Variants in C1orf21 observed in about 807,000 individuals in gnomAD.
The protein encoded by C1orf21 is uncharacterized protein C1orf21.
Under a neutral mutation model 18.7 loss-of-function variants are expected in C1orf21, and 3 were observed. The observed-to-expected ratio is 0.16, with a 90% CI of 0.07 to 0.42. The LOEUF is 0.42. Ranked by LOEUF, C1orf21 falls within the 10% of genes least tolerant of loss-of-function variation. C1orf21 has a pLI of 0.99. For missense variants in C1orf21, 104 were observed against 143.6 expected (o/e 0.72, Z 1.41); for synonymous variants, 41 against 46.4 (o/e 0.88, Z 0.47).
intron 3 of C1orf21, among the ~76,000 whole-genome samples, chr1:184,555,784 T>G (rs1176932227): frequency 6.6e-6 from 1 of 152,124 alleles, no homozygotes; most frequent in African/African-American, 2.4e-5. Context: ...CACAGAGGCA[T>G]TCTTCTGACT....
At chr1:184,514,893 C>A (rs1658200544) in intron 3 of C1orf21, among the ~76,000 whole-genome samples, 1 of 152,094 alleles carries the variant, frequency 6.6e-6, no homozygotes, top group Non-Finnish European at 1.5e-5. Flanking sequence ...CAAAATAAAA[C>A]AGCAACACTG....
intron 3 of C1orf21, among the ~76,000 whole-genome samples, chr1:184,542,288 A>G (rs183229522): frequency 6.8e-4 from 103 of 152,288 alleles, no homozygotes; most frequent in Non-Finnish European, 1.2e-3. Flanking sequence ...AGCACTTTAC[A>G]TGTCTTAGGA....
In C1orf21 at chr1:184,623,958, TACTC is replaced by T. The variant is rs987190448; in HGVS notation, c.*4407_*4410del. On this transcript the variant is annotated 3_prime_UTR_variant, in exon 6 of 6. Transcript: ENST00000235307. ...AAAAGGAGCTAATATTTGTCATTTA[TACTC>T]ACTCTGTGCCAGATACTGTGCTAGG... 1 of 152,644 alleles carries T rather than the reference TACTC, an allele frequency of 6.6e-6. No homozygotes were observed. Among genetic ancestry groups the T allele is most frequent in the Non-Finnish European group, 1.5e-5 (1 of 68,042 alleles). 9.5% of individuals were successfully genotyped at this position (152,644 alleles called of 1,614,324 possible).
chr1:184,446,663 A>G (rs942001579), intron 1 of C1orf21, among the ~76,000 whole-genome samples: 1 of 152,074 alleles, frequency 6.6e-6, no homozygotes, highest in Non-Finnish European at 1.5e-5. Flanking sequence ...GAGACTAAAG[A>G]CACTTGTCAG....
chr1:184,460,064 G>A (rs1053257472), intron 1 of C1orf21, among the ~76,000 whole-genome samples: 1 of 152,124 alleles, frequency 6.6e-6, no homozygotes, highest in Non-Finnish European at 1.5e-5. Context: ...CCACACCAAG[G>A]TTAGCAGAGC....
intron 1 of C1orf21, among the ~76,000 whole-genome samples, chr1:184,446,192 C>T (rs1038976672): frequency 1.3e-5 from 2 of 152,056 alleles, no homozygotes; most frequent in African/African-American, 4.8e-5. Flanking sequence ...CAAATGCCAT[C>T]GAGAGATGCT....
At chr1:184,454,939 G>T (rs1657176324) in intron 1 of C1orf21, among the ~76,000 whole-genome samples, 1 of 152,164 alleles carries the variant, frequency 6.6e-6, no homozygotes, top group African/African-American at 2.4e-5. Flanking sequence ...GGCTGTAAGA[G>T]AAAAGAGAAA....
intron 1 of C1orf21, among the ~76,000 whole-genome samples, chr1:184,446,826 G>T (rs1475121141): frequency 6.7e-6 from 1 of 149,700 alleles, no homozygotes; most frequent in Non-Finnish European, 1.5e-5. Flanking sequence ...TGTGATAGTG[G>T]TAGTATGGTT....
At chr1:184,526,904 C>A (rs773506602) in intron 3 of C1orf21, among the ~76,000 whole-genome samples, 8 of 152,180 alleles carry the variant, frequency 5.3e-5, no homozygotes, top group Non-Finnish European at 1.2e-4. Context: ...AACCCGCAGT[C>A]CCGTCCTTAA....
chr1:184,451,937 T>G (rs924431401), intron 1 of C1orf21, among the ~76,000 whole-genome samples: 18 of 152,024 alleles, frequency 1.2e-4, no homozygotes, highest in African/African-American at 4.4e-4. Context: ...TAAAAATAAA[T>G]GTTAGTGTTA....
At chr1:184,493,634 A>G (rs1657848727) in intron 2 of C1orf21, among the ~76,000 whole-genome samples, 1 of 152,264 alleles carries the variant, frequency 6.6e-6, no homozygotes. Flanking sequence ...TTGTCAAATT[A>G]TGTATGAAAT....
chr1:184,551,205 G>A (rs1658807703), intron 3 of C1orf21, among the ~76,000 whole-genome samples: 1 of 152,074 alleles, frequency 6.6e-6, no homozygotes, highest in Non-Finnish European at 1.5e-5. Context: ...TAAACTCCAG[G>A]CGAATTATTT....
intron 3 of C1orf21, among the ~76,000 whole-genome samples, chr1:184,554,123 T>C (rs980614481): frequency 1.3e-5 from 2 of 152,228 alleles, no homozygotes; most frequent in African/African-American, 4.8e-5. Flanking sequence ...TTGAGAAGGC[T>C]ACTTTATTCT....
chr1:184,559,965 T>C (rs1276193867), intron 3 of C1orf21, among the ~76,000 whole-genome samples: 4 of 152,040 alleles, frequency 2.6e-5, no homozygotes, highest in Admixed American at 2.6e-4. Context: ...TTCCTCAGGC[T>C]GGTCTCGGAC....
At chr1:184,588,620 A>G (rs1659394402) in intron 3 of C1orf21, among the ~76,000 whole-genome samples, 1 of 152,162 alleles carries the variant, frequency 6.6e-6, no homozygotes, top group African/African-American at 2.4e-5. Context: ...CCCAACCGTG[A>G]GAGGTATTGT....
intron 3 of C1orf21, among the ~76,000 whole-genome samples, chr1:184,532,630 C>T (rs768668728): frequency 6.6e-6 from 1 of 152,066 alleles, no homozygotes; most frequent in Non-Finnish European, 1.5e-5. Context: ...AGTTATAGTC[C>T]CAGCTACTCA....
At chr1:184,611,636 G>A (rs1659737609) in intron 5 of C1orf21, among the ~76,000 whole-genome samples, 1 of 152,190 alleles carries the variant, frequency 6.6e-6, no homozygotes, top group African/African-American at 2.4e-5. Flanking sequence ...ATGGAGGAAG[G>A]GGTTAGGGGA....
At chr1:184,577,457 G>C (rs1165827404) in intron 3 of C1orf21, among the ~76,000 whole-genome samples, 1 of 152,108 alleles carries the variant, frequency 6.6e-6, no homozygotes, top group Non-Finnish European at 1.5e-5. Flanking sequence ...CTGAATGTGT[G>C]TTAATTTGTT....
At chr1:184,410,597 A>G (rs1481410330) in intron 1 of C1orf21, among the ~76,000 whole-genome samples, 1 of 104,964 alleles carries the variant, frequency 9.5e-6, no homozygotes, top group Non-Finnish European at 1.8e-5. Context: ...ACATAGTGAA[A>G]GATTAATTTG....
Sources: allele counts gnomAD v4.1 joint callset (sites outside exome capture counted in the v4.1 genomes callset), GRCh38; gene constraint gnomAD v4.1.1; transcripts MANE v1.5; gene names NCBI Gene and HGNC (gene_info 2026-07-23, HGNC 2026-07-21).